ERAP1: variants seen among roughly 807,000 people sequenced by gnomAD.
ERAP1 encodes endoplasmic reticulum aminopeptidase 1, also known as adipocyte-derived leucine aminopeptidase.
ERAP1 carries 86 observed loss-of-function variants against 103.7 expected under a neutral mutation model. The ratio of observed to expected loss-of-function variants is 0.83; its 90% CI spans 0.70 to 0.99. The LOEUF is 0.99. Ranked by LOEUF, ERAP1 falls within the 50% of genes least tolerant of loss-of-function variation. The probability of loss-of-function intolerance (pLI) is 0.00; values close to 1 mark genes in which losing one functional copy is unlikely to be tolerated. For missense variants in ERAP1, 1,009 were observed against 1,128.4 expected (o/e 0.89, Z 1.52); for synonymous variants, 398 against 402.4 (o/e 0.99, Z 0.13).
intron 1 of ERAP1, among the ~76,000 whole-genome samples, chr5:96,807,572 C>T (rs1295896018): frequency 6.6e-6 from 1 of 152,132 alleles, no homozygotes; most frequent in Non-Finnish European, 1.5e-5. Flanking sequence ...GGGACAGGGA[C>T]AGGGACCGGC....
At chr5:96,931,084 A>G in the ERAP1 span, among the ~76,000 whole-genome samples, 1 of 152,048 alleles carries the variant, frequency 6.6e-6, no homozygotes, top group African/African-American at 2.4e-5. Context: ...CTGTAAATCA[A>G]TTGTTCAGCA....
chr5:96,896,188 G>C, the ERAP1 span, among the ~76,000 whole-genome samples: 5 of 151,924 alleles, frequency 3.3e-5, no homozygotes, highest in Non-Finnish European at 5.9e-5. Context: ...TTTTAAAGTA[G>C]AGAAACTTTA....
chr5:96,762,435 A>G, exon 20 of ERAP1: 2 of 1,215,736 alleles, frequency 1.6e-6, no homozygotes, highest in Non-Finnish European at 2.3e-6. Flanking sequence ...GAAAGAAAAT[A>G]GGGCGCCTGT....
chr5:96,782,617 T>G (rs989063157), intron 15 of ERAP1, among the ~76,000 whole-genome samples: 1 of 152,176 alleles, frequency 6.6e-6, no homozygotes, highest in Non-Finnish European at 1.5e-5. Context: ...TAAAAAGGAC[T>G]GAAGTGTAGC....
At chr5:96,790,242 A>C (rs1776571272) in intron 10 of ERAP1, 54 bp downstream of exon 10, 1 of 1,532,018 alleles carries the variant, frequency 6.5e-7, no homozygotes, top group Non-Finnish European at 9.0e-7. Context: ...CCTTTCAAAG[A>C]ATATGCAGTA....
chr5:96,822,821 CAT>C, the ERAP1 span: 88 of 287,902 alleles, frequency 3.1e-4, no homozygotes, highest in Non-Finnish European at 5.3e-4. Context: ...TAGCTTAACA[CAT>C]GTTTATTATC....
chr5:96,921,888 C>T, the ERAP1 span, among the ~76,000 whole-genome samples: 3 of 152,202 alleles, frequency 2.0e-5, no homozygotes, highest in African/African-American at 7.2e-5. Flanking sequence ...CCAAAGAATA[C>T]CACAGTTAAA....
intron 1 of ERAP1, among the ~76,000 whole-genome samples, 162 bp downstream of exon 1, chr5:96,807,698 G>T (rs1008759645): frequency 1.3e-5 from 2 of 151,518 alleles, no homozygotes; most frequent in African/African-American, 4.9e-5. Flanking sequence ...CCCGCGCCCC[G>T]TCGCCTTCCT....
chr5:96,896,899 T>G, the ERAP1 span: 2 of 1,531,994 alleles, frequency 1.3e-6, no homozygotes, highest in Non-Finnish European at 1.7e-6. Context: ...GACTGTTATT[T>G]AATCTAGAAA....
the ERAP1 span, among the ~76,000 whole-genome samples, chr5:96,844,234 T>C: frequency 1.3e-5 from 2 of 152,168 alleles, no homozygotes; most frequent in Admixed American, 6.5e-5. Context: ...CAACAATTGG[T>C]TCTCCCCAGT....
At chr5:96,821,883 G>C in the ERAP1 span, among the ~76,000 whole-genome samples, 1 of 152,208 alleles carries the variant, frequency 6.6e-6, no homozygotes, top group African/African-American at 2.4e-5. Context: ...GAAAGCTATA[G>C]AGACTTGTTG....
the ERAP1 span, among the ~76,000 whole-genome samples, chr5:96,844,745 C>T: frequency 6.6e-6 from 1 of 152,198 alleles, no homozygotes; most frequent in South Asian, 2.1e-4. Flanking sequence ...TAAAAACAAA[C>T]CTTATCTTCA....
chr5:96,849,330 G>A, the ERAP1 span, among the ~76,000 whole-genome samples: 1 of 152,056 alleles, frequency 6.6e-6, no homozygotes, highest in Non-Finnish European at 1.5e-5. Flanking sequence ...AAATGAAGTA[G>A]TCTGTTTGCT....
chr5:96,900,020 C>T, the ERAP1 span: 1 of 1,339,274 alleles, frequency 7.5e-7, no homozygotes, highest in Non-Finnish European at 1.0e-6. Context: ...TGAATTATTT[C>T]ATATAGCTCT....
At chr5:96,867,519 A>T in the ERAP1 span, among the ~76,000 whole-genome samples, 4,526 of 152,180 alleles carry the variant, frequency 0.03, 151 homozygotes, top group East Asian at 0.1. Flanking sequence ...GATGATTTGA[A>T]ACTCATTCAC....
At chr5:96,932,393 G>T in the ERAP1 span, among the ~76,000 whole-genome samples, 1 of 152,180 alleles carries the variant, frequency 6.6e-6, no homozygotes, top group African/African-American at 2.4e-5. Flanking sequence ...ATTCCCTATG[G>T]AATATCAACT....
At chr5:96,872,406 C>T in the ERAP1 span, among the ~76,000 whole-genome samples, 1 of 151,022 alleles carries the variant, frequency 6.6e-6, no homozygotes, top group East Asian at 1.9e-4. Flanking sequence ...CGAAATCAAC[C>T]TGGGAAACAT....
the ERAP1 span, chr5:96,883,827 C>T: frequency 3.1e-6 from 5 of 1,613,208 alleles, no homozygotes; most frequent in Admixed American, 1.7e-5. Context: ...CCAACCCAGG[C>T]ACGCATGGCT....
the ERAP1 span, among the ~76,000 whole-genome samples, chr5:96,875,319 G>C: frequency 6.6e-6 from 1 of 152,096 alleles, no homozygotes; most frequent in African/African-American, 2.4e-5. Flanking sequence ...AGGATCACTT[G>C]AGCCTAGGAG....
Sources: allele counts gnomAD v4.1 joint callset (sites outside exome capture counted in the v4.1 genomes callset), GRCh38; gene constraint gnomAD v4.1.1; transcripts MANE v1.5; gene names NCBI Gene and HGNC (gene_info 2026-07-23, HGNC 2026-07-21).